ASIC2: variants seen among roughly 807,000 people sequenced by gnomAD.
ASIC2 encodes acid sensing ion channel subunit 2.
In ASIC2, 25 loss-of-function variants were observed where a neutral mutation model predicts 57.3. That is an observed-to-expected ratio of 0.44 (90% CI 0.32 to 0.61). The LOEUF (loss-of-function observed/expected upper bound fraction) is 0.61. ASIC2 is among the 20% of genes least tolerant of loss of function. The pLI is 0.06. For missense variants in ASIC2, 641 were observed against 738.1 expected, an observed-to-expected ratio of 0.87 and a Z score of 1.52; for synonymous variants, 319 against 307.5, an observed-to-expected ratio of 1.04 and a Z score of -0.39.
At chr17:33,307,316 C>T (rs558866647) in intron 1 of ASIC2, among the ~76,000 whole-genome samples, 23 of 150,980 alleles carry the variant, frequency 1.5e-4, no homozygotes, top group African/African-American at 2.9e-4. Flanking sequence ...TTTTCTTCTT[C>T]GTCTTCTTTT....
chr17:33,514,848 C>T (rs1293329721), intron 1 of ASIC2, among the ~76,000 whole-genome samples: 1 of 152,202 alleles, frequency 6.6e-6, no homozygotes, highest in African/African-American at 2.4e-5. Context: ...TTTCTCGGCC[C>T]CTTGGCTGTG....
chr17:33,724,314 T>G (rs1909479476), intron 1 of ASIC2, among the ~76,000 whole-genome samples: 1 of 152,238 alleles, frequency 6.6e-6, no homozygotes, highest in Admixed American at 6.5e-5. Context: ...CAAAACAGAC[T>G]AATAGAGTCA....
At chr17:33,456,104 C>A (rs993284933) in intron 1 of ASIC2, among the ~76,000 whole-genome samples, 1 of 152,102 alleles carries the variant, frequency 6.6e-6, no homozygotes, top group African/African-American at 2.4e-5. Flanking sequence ...AGTTTTTCTG[C>A]GCTTAATATG....
intron 1 of ASIC2, among the ~76,000 whole-genome samples, chr17:33,464,085 G>A (rs1461242475): frequency 6.6e-6 from 1 of 152,210 alleles, no homozygotes; most frequent in Middle Eastern, 3.2e-3. Flanking sequence ...ACCACAGCAT[G>A]TGTGGTCCAC....
At chr17:33,955,229 C>G (rs547343390) in intron 1 of ASIC2, 5 of 152,194 alleles carry the variant, frequency 3.3e-5, no homozygotes, top group Admixed American at 6.5e-5. Context: ...CTGTTCTGGG[C>G]ACCATGGAAG....
At chr17:34,051,898 G>C (rs950354579) in intron 1 of ASIC2, among the ~76,000 whole-genome samples, 1 of 144,238 alleles carries the variant, frequency 6.9e-6, no homozygotes, top group Non-Finnish European at 1.5e-5. Context: ...GAGCGAGAGA[G>C]TGAGTTTTTT....
chr17:34,100,198 TTTA>T (rs1487325500), intron 1 of ASIC2, among the ~76,000 whole-genome samples: 3 of 150,666 alleles, frequency 2.0e-5, no homozygotes, highest in African/African-American at 7.4e-5. Context: ...TTTTTTTTTT[TTTA>T]AATCAATTGG....
At chr17:33,668,183 C>A (rs1907537441) in intron 1 of ASIC2, among the ~76,000 whole-genome samples, 1 of 151,564 alleles carries the variant, frequency 6.6e-6, no homozygotes, top group South Asian at 2.1e-4. Flanking sequence ...CTCCCCCTGC[C>A]TGGAGAGAAG....
intron 1 of ASIC2, among the ~76,000 whole-genome samples, chr17:33,789,952 G>A (rs1435023007): frequency 6.6e-6 from 1 of 152,194 alleles, no homozygotes; most frequent in Non-Finnish European, 1.5e-5. Context: ...GCAGAATGAC[G>A]TGGGTCATAG....
chr17:33,919,720 C>T (rs1477682201), intron 1 of ASIC2, among the ~76,000 whole-genome samples: 1 of 152,120 alleles, frequency 6.6e-6, no homozygotes, highest in Non-Finnish European at 1.5e-5. Flanking sequence ...AAACTATAAA[C>T]CGAGTAAATA....
At chr17:33,939,642 C>T (rs1031539283) in intron 1 of ASIC2, among the ~76,000 whole-genome samples, 10 of 152,318 alleles carry the variant, frequency 6.6e-5, no homozygotes, top group African/African-American at 1.9e-4. Context: ...GTCAATTCCA[C>T]AGAGCTGGTG....
intron 1 of ASIC2, among the ~76,000 whole-genome samples, chr17:33,779,642 A>G (rs1014824684): frequency 4.3e-4 from 65 of 152,166 alleles, no homozygotes; most frequent in African/African-American, 1.5e-3. Flanking sequence ...GAAATAATAT[A>G]TGCAGAAAGT....
chr17:33,908,555 GC>G (rs1223980709), intron 1 of ASIC2, among the ~76,000 whole-genome samples: 2 of 152,192 alleles, frequency 1.3e-5, no homozygotes, highest in African/African-American at 4.8e-5. Flanking sequence ...CCTGATTCCA[GC>G]CCTTGTGAGA....
chr17:33,082,819 A>G (rs1002942386), intron 3 of ASIC2, among the ~76,000 whole-genome samples: 2 of 152,176 alleles, frequency 1.3e-5, no homozygotes, highest in Non-Finnish European at 2.9e-5. Context: ...CCCATACCGC[A>G]TGAATATCCC....
intron 1 of ASIC2, among the ~76,000 whole-genome samples, chr17:34,121,784 C>T (rs1911627670): frequency 6.6e-6 from 1 of 152,214 alleles, no homozygotes; most frequent in South Asian, 2.1e-4. Context: ...TAAAATACTC[C>T]AACATCAAAT....
chr17:34,126,768 C>T (rs1159473363), intron 1 of ASIC2, among the ~76,000 whole-genome samples: 1 of 152,160 alleles, frequency 6.6e-6, no homozygotes, highest in Non-Finnish European at 1.5e-5. Context: ...TTAGTGGGCA[C>T]ATGAGTCACC....
intron 1 of ASIC2, among the ~76,000 whole-genome samples, chr17:33,289,318 AATTG>A (rs1041959990): frequency 1.3e-5 from 2 of 152,172 alleles, no homozygotes; most frequent in African/African-American, 4.8e-5. Context: ...ACTCCCTAAC[AATTG>A]ACCCACACAA....
In ASIC2 at chr17:33,141,896, AG is replaced by A. The variant is rs200583056; in HGVS notation, c.709-29830del. Among the ~76,000 whole-genome samples the A allele has an allele frequency of 3.7e-3, 570 of 152,384 alleles. 2 individuals are homozygous for A. The highest frequency in any genetic ancestry group is 0.013 in the African/African-American group (545 of 41,594). On this transcript the variant is annotated intron_variant, in intron 1 of 9. Transcript: ENST00000225823. ...TTAAAAACACCATCTGTAACTATAC[AG>A]GGTGTCCATGAAGTCTGAAAACTTA...
chr17:33,979,706 T>C (rs565057650), intron 1 of ASIC2, among the ~76,000 whole-genome samples: 3 of 152,200 alleles, frequency 2.0e-5, no homozygotes, highest in Non-Finnish European at 2.9e-5. Flanking sequence ...TTGGCCATTG[T>C]GAAAGTACAA....
Sources: allele counts gnomAD v4.1 joint callset (sites outside exome capture counted in the v4.1 genomes callset), GRCh38; gene constraint gnomAD v4.1.1; transcripts MANE v1.5; gene names NCBI Gene and HGNC (gene_info 2026-07-23, HGNC 2026-07-21).